The following MAGI2 variants were observed in gnomAD, a reference collection of about 807,000 sequenced individuals.
MAGI2 encodes membrane associated guanylate kinase, WW and PDZ domain containing 2.
Under a neutral mutation model 133.3 loss-of-function variants are expected in MAGI2, and 35 were observed. The observed-to-expected ratio is 0.26, with a 90% confidence interval of 0.20 to 0.35. The LOEUF (loss-of-function observed/expected upper bound fraction) is 0.35, where lower values mean the gene tolerates loss of function less well. MAGI2 is among the 10% of genes least tolerant of loss of function. The pLI is 1.00. For missense variants in MAGI2, 1,636 were observed against 1,863.4 expected (o/e 0.88, Z 2.25); for synonymous variants, 729 against 710.6 (o/e 1.03, Z -0.41).
chr7:79,128,481 C>T (rs1405117277), intron 1 of MAGI2, among the ~76,000 whole-genome samples: 2 of 152,174 alleles, frequency 1.3e-5, no homozygotes, highest in Non-Finnish European at 2.9e-5. Context: ...GTCACTGTCA[C>T]TGTGATCCTG....
intron 3 of MAGI2, among the ~76,000 whole-genome samples, chr7:78,563,396 A>G (rs1162828386): frequency 6.6e-6 from 1 of 152,180 alleles, no homozygotes; most frequent in African/African-American, 2.4e-5. Context: ...GCCTGGCTAC[A>G]GTGATGATTA....
chr7:79,261,432 G>A (rs547498954), intron 1 of MAGI2, among the ~76,000 whole-genome samples: 32 of 152,314 alleles, frequency 2.1e-4, no homozygotes, highest in African/African-American at 7.5e-4. Flanking sequence ...ATTGGTCAAA[G>A]CAAATCACAT....
chr7:79,387,779 C>T (rs756075514), intron 1 of MAGI2, among the ~76,000 whole-genome samples: 21 of 151,968 alleles, frequency 1.4e-4, no homozygotes, highest in Middle Eastern at 7.0e-3. Context: ...AGATGTCTTC[C>T]TTGCCTTCCT....
At chr7:78,625,867 A>C (rs1480271928) in intron 3 of MAGI2, among the ~76,000 whole-genome samples, 2 of 152,218 alleles carry the variant, frequency 1.3e-5, no homozygotes, top group Non-Finnish European at 2.9e-5. Context: ...GTAGCCTGGA[A>C]ATAACAGATT....
intron 2 of MAGI2, among the ~76,000 whole-genome samples, chr7:78,852,028 T>A (rs567643291): frequency 2.3e-4 from 35 of 152,276 alleles, no homozygotes; most frequent in African/African-American, 7.9e-4. Context: ...TGCTAATTGT[T>A]CCACATCTTG....
At chr7:78,694,685 G>A (rs773449403) in intron 2 of MAGI2, among the ~76,000 whole-genome samples, 5 of 152,078 alleles carry the variant, frequency 3.3e-5, no homozygotes, top group Non-Finnish European at 7.4e-5. Context: ...AGCCACACCT[G>A]GATTTAAATC....
chr7:78,903,543 A>G (rs577544612), intron 2 of MAGI2, among the ~76,000 whole-genome samples: 1 of 152,232 alleles, frequency 6.6e-6, no homozygotes, highest in South Asian at 2.1e-4. Flanking sequence ...ATTTCCCACA[A>G]TCACTGGAAC....
intron 6 of MAGI2, among the ~76,000 whole-genome samples, chr7:78,440,600 G>A (rs886763971): frequency 6.6e-6 from 1 of 152,118 alleles, no homozygotes; most frequent in Non-Finnish European, 1.5e-5. Flanking sequence ...AAAACACATA[G>A]AAAACATATA....
At chr7:79,076,864 C>G (rs1815510109) in intron 1 of MAGI2, among the ~76,000 whole-genome samples, 1 of 152,146 alleles carries the variant, frequency 6.6e-6, no homozygotes, top group Non-Finnish European at 1.5e-5. Context: ...TCTACTTCTT[C>G]CATTCTAAAT....
At chr7:78,437,735 A>G (rs2151448086) in intron 6 of MAGI2, among the ~76,000 whole-genome samples, 1 of 152,320 alleles carries the variant, frequency 6.6e-6, no homozygotes, top group Middle Eastern at 3.4e-3. Flanking sequence ...TTCTCTTAGC[A>G]TTTGTTTTAC....
intron 1 of MAGI2, among the ~76,000 whole-genome samples, chr7:79,098,335 T>C (rs1031439620): frequency 6.6e-6 from 1 of 152,206 alleles, no homozygotes. Flanking sequence ...GAGATAATTG[T>C]ATTTACAATA....
chr7:78,239,120 A>G (rs1399247659), intron 10 of MAGI2, among the ~76,000 whole-genome samples: 2 of 152,148 alleles, frequency 1.3e-5, no homozygotes, highest in Admixed American at 1.3e-4. Context: ...CACTCTTTCT[A>G]AAGGAGAACT....
intron 10 of MAGI2, among the ~76,000 whole-genome samples, chr7:78,207,637 G>A (rs2150783645): frequency 6.6e-6 from 1 of 152,204 alleles, no homozygotes; most frequent in South Asian, 2.1e-4. Flanking sequence ...AATGGGTTAA[G>A]CCCTGCAGTT....
At chr7:78,057,388 G>A (rs1295062520) in intron 21 of MAGI2, among the ~76,000 whole-genome samples, 2 of 152,066 alleles carry the variant, frequency 1.3e-5, no homozygotes, top group Non-Finnish European at 2.9e-5. Context: ...GATTACAGGT[G>A]CCCTCCACCA....
intron 20 of MAGI2, among the ~76,000 whole-genome samples, chr7:78,124,758 C>A (rs1820802987): frequency 6.6e-6 from 1 of 151,874 alleles, no homozygotes; most frequent in African/African-American, 2.4e-5. Flanking sequence ...TTGTTTTATA[C>A]CCTTAAATGA....
rs146665807 is a variant in MAGI2 at position 78,771,174 on chromosome 7, C to T, written c.419-143935G>A. On this transcript the variant is annotated intron_variant, in intron 2 of 21. Coordinates refer to ENST00000354212, the MANE Select transcript of MAGI2 (RefSeq NM_012301.4). ...TCCCTCTCTCCCTCTCCCTCTCTCT[C>T]CTTCTCCCCTCTCTCGCTTATGCTC... The T allele has an allele frequency of 7.1e-3, 1,088 of 152,302 alleles. 10 individuals carry two copies. The highest frequency in any genetic ancestry group is 0.013 in the South Asian group (63 of 4,812). The allele number at this position is 152,302 out of a possible 1,614,324, so 9.4% of individuals were successfully genotyped here.
intron 2 of MAGI2, among the ~76,000 whole-genome samples, chr7:78,773,748 A>C (rs544292808): frequency 6.6e-6 from 1 of 152,178 alleles, no homozygotes; most frequent in Non-Finnish European, 1.5e-5. Flanking sequence ...GTTTTCAGGC[A>C]GAGACACAAA....
chr7:79,060,045 T>C (rs749470515), intron 1 of MAGI2, among the ~76,000 whole-genome samples: 7 of 152,106 alleles, frequency 4.6e-5, no homozygotes, highest in African/African-American at 1.7e-4. Context: ...AAGATGGTAG[T>C]ATCAGAGAAC....
intron 2 of MAGI2, among the ~76,000 whole-genome samples, chr7:78,918,587 T>C (rs565078140): frequency 1.9e-4 from 29 of 152,228 alleles, no homozygotes; most frequent in African/African-American, 7.0e-4. Flanking sequence ...TGGCCTTAGA[T>C]AAAATAGAGA....
Sources: allele counts gnomAD v4.1 joint callset (sites outside exome capture counted in the v4.1 genomes callset), GRCh38; gene constraint gnomAD v4.1.1; transcripts MANE v1.5; gene names NCBI Gene and HGNC (gene_info 2026-07-23, HGNC 2026-07-21).